AP4S1: variants seen among roughly 807,000 people sequenced by gnomAD.
AP4S1 encodes the protein AP-4 complex subunit sigma-1.
A neutral mutation model predicts 19.8 loss-of-function variants in AP4S1; 23 were observed. The observed-to-expected ratio is 1.16, with a 90% confidence interval of 0.84 to 1.65. AP4S1 has a LOEUF of 1.65. Among genes scored for constraint, AP4S1 ranks in the 40% most tolerant of loss-of-function variants. AP4S1 has a pLI of 0.00. For missense variants in AP4S1, 166 were observed against 172.8 expected (o/e 0.96, Z 0.22); for synonymous variants, 46 against 54.1 (o/e 0.85, Z 0.66).
At chr14:31,058,695 G>A (rs565896835) in intron 1 of AP4S1, among the ~76,000 whole-genome samples, 165 of 151,122 alleles carry the variant, frequency 1.1e-3, no homozygotes, top group African/African-American at 3.8e-3. Context: ...AGCTTCCTAA[G>A]TAGCTGGGAC....
chr14:31,052,296 A>G (rs896670367), intron 1 of AP4S1, among the ~76,000 whole-genome samples: 2 of 152,132 alleles, frequency 1.3e-5, no homozygotes, highest in Admixed American at 6.5e-5. Context: ...TGAAGTTGGT[A>G]TTAACAATTC....
chr14:31,053,447 C>T (rs1000700509), intron 1 of AP4S1, among the ~76,000 whole-genome samples: 1 of 152,038 alleles, frequency 6.6e-6, no homozygotes, highest in East Asian at 1.9e-4. Context: ...AAGCAAGTCA[C>T]GAAGAACAGA....
At position 31,074,758 on chromosome 14, in the gene AP4S1, G is replaced by A. The variant is rs1207528475; in HGVS notation, c.294+1785G>A. Among the ~76,000 whole-genome samples the A allele has an allele frequency of 2.6e-5, 4 of 152,134 alleles. No individual in the cohort carries two copies. In the East Asian group the frequency reaches 5.8e-4, roughly 22 times the overall value. The stretch of plus-strand genomic sequence containing the variant: ...AGTGACAGATACTCAGGAGGATGAG[G>A]TGGGAGGATGTTAGGAAATTTCATC... On this transcript the variant is annotated intron_variant, in intron 4 of 5. Transcript: ENST00000542754.
intron 1 of AP4S1, among the ~76,000 whole-genome samples, chr14:31,062,892 G>C (rs1013376481): frequency 2.6e-5 from 4 of 152,018 alleles, no homozygotes; most frequent in Non-Finnish European, 5.9e-5. Flanking sequence ...GCATGAACCC[G>C]GGAGGCGGAG....
In AP4S1 at chr14:31,039,572, G is replaced by T. The variant is rs12888248; in HGVS notation, c.-72+13785G>T. Among the ~76,000 whole-genome samples, 865 of 115,716 alleles carry T rather than the reference G, an allele frequency of 7.5e-3. 16 individuals carry two copies. The highest frequency in any genetic ancestry group is 0.022 in the African/African-American group (757 of 33,652). 75.9% of individuals were successfully genotyped at this position (115,716 alleles called of 152,430 possible). On this transcript the variant is annotated intron_variant, in intron 1 of 5. Transcript: ENST00000542754. ...TCTTAAATACAATAGGTGTAGTTTT[G>T]TTTTTTTTTTTTTTTTTTGAGACGG... is the stretch of plus-strand genomic sequence containing the variant.
intron 5 of AP4S1, chr14:31,084,893 G>A (rs987055762): frequency 4.3e-6 from 7 of 1,614,060 alleles, no homozygotes; most frequent in African/African-American, 4.0e-5. Context: ...ATAGCCAGGG[G>A]AGGGCACCAA....
At chr14:31,073,049 C>A in intron 4 of AP4S1, 76 bp downstream of exon 4, 3 of 1,212,606 alleles carry the variant, frequency 2.5e-6, no homozygotes, top group South Asian at 1.2e-5. Context: ...GGATCTATAT[C>A]AAGAACATGT....
intron 1 of AP4S1, among the ~76,000 whole-genome samples, chr14:31,034,609 ATT>A (rs5807612): frequency 1.2e-3 from 127 of 103,950 alleles, no homozygotes; most frequent in Non-Finnish European, 1.7e-3. Context: ...TTTGTACTTA[ATT>A]TTTTTTTTTT....
Position 31,080,584 on chromosome 14 carries a change from T to C in AP4S1, c.306T>C (p.Asp102=). Residue 102 remains aspartate, a splice_region_variant and synonymous_variant, in exon 5 of 6, where the codon GAT becomes GAC. Coordinates refer to ENST00000542754, the MANE Select transcript of AP4S1 (RefSeq NM_001128126.3). The part of the protein sequence containing the change: ...DEYFSRVSEL[D]IMFNLDKVHI... ...TTTCTGTCTTCCAGAGTGAATTAGA[T>C]GTATCCTTTTTCAATACTGTTTTCC... is the stretch of plus-strand genomic sequence containing the variant. The C allele has an allele frequency of 1.9e-6, 3 of 1,613,364 alleles. No homozygotes were observed. Among genetic ancestry groups the C allele is most frequent in the Non-Finnish European group, 2.5e-6 (3 of 1,179,328 alleles).
intron 4 of AP4S1, among the ~76,000 whole-genome samples, chr14:31,077,140 T>G (rs1437235582): frequency 6.6e-6 from 1 of 152,124 alleles, no homozygotes; most frequent in Non-Finnish European, 1.5e-5. Context: ...TTTTTCCATG[T>G]TGGTCAGGCT....
intron 2 of AP4S1, among the ~76,000 whole-genome samples, chr14:31,067,611 C>T (rs1342307642): frequency 4.6e-5 from 7 of 151,620 alleles, no homozygotes; most frequent in Admixed American, 4.0e-4. Context: ...CTCCACTTCC[C>T]GGGTTCAAGC....
At chr14:31,057,763 T>A (rs1330525462) in intron 1 of AP4S1, among the ~76,000 whole-genome samples, 1 of 152,024 alleles carries the variant, frequency 6.6e-6, no homozygotes, top group African/African-American at 2.4e-5. Flanking sequence ...GTAGCTATGA[T>A]TACAGGCACC....
At chr14:31,068,054 G>A (rs184566680) in intron 2 of AP4S1, among the ~76,000 whole-genome samples, 26 of 151,970 alleles carry the variant, frequency 1.7e-4, no homozygotes, top group Admixed American at 7.9e-4. Flanking sequence ...TTTTAGTAGA[G>A]ACAGGGTTTC....
intron 5 of AP4S1, among the ~76,000 whole-genome samples, chr14:31,088,830 A>AG: frequency 1.4e-5 from 2 of 145,444 alleles, no homozygotes; most frequent in East Asian, 4.0e-4. Context: ...AAAAAAAAAA[A>AG]GTCCTTTTCA....
intron 5 of AP4S1, among the ~76,000 whole-genome samples, chr14:31,090,594 C>A (rs921312265): frequency 2.0e-5 from 3 of 152,228 alleles, no homozygotes; most frequent in Non-Finnish European, 4.4e-5. Flanking sequence ...CATTAGTATA[C>A]CAACAGTCTG....
rs371096032 is a variant in AP4S1 at position 31,048,195 on chromosome 14, G to T, written c.-71-17931G>T. On this transcript the variant is annotated intron_variant, in intron 1 of 5. Coordinates refer to ENST00000542754, the MANE Select transcript of AP4S1 (RefSeq NM_001128126.3). ...TGCAACCCCCGTCTCCCAGGTTCAA[G>T]TGATTCTCTTGCCTCGGCCTCCCAA... Among the ~76,000 whole-genome samples the T allele has an allele frequency of 8.6e-5, 13 of 151,172 alleles. No homozygotes were observed. In the South Asian group the frequency reaches 2.7e-3, roughly 32 times the overall value.
intron 2 of AP4S1, among the ~76,000 whole-genome samples, chr14:31,069,350 C>T (rs148705075): frequency 1.3e-5 from 2 of 152,230 alleles, no homozygotes; most frequent in Admixed American, 1.3e-4. Flanking sequence ...TACATGGATT[C>T]TTTTCATGAG....
At chr14:31,090,584 C>T (rs927323134) in intron 5 of AP4S1, among the ~76,000 whole-genome samples, 1 of 152,258 alleles carries the variant, frequency 6.6e-6, no homozygotes, top group Non-Finnish European at 1.5e-5. Context: ...GAGCTCACTA[C>T]ATTAGTATAC....
At chr14:31,063,096 G>C (rs529915059) in intron 1 of AP4S1, among the ~76,000 whole-genome samples, 8 of 152,040 alleles carry the variant, frequency 5.3e-5, no homozygotes, top group African/African-American at 1.9e-4. Context: ...AGGAGTTCAA[G>C]ACCAGCCTGA....
Sources: allele counts gnomAD v4.1 joint callset (sites outside exome capture counted in the v4.1 genomes callset), GRCh38; gene constraint gnomAD v4.1.1; transcripts MANE v1.5; gene names NCBI Gene and HGNC (gene_info 2026-07-23, HGNC 2026-07-21).